SLC49A3: variants seen among roughly 807,000 people sequenced by gnomAD.
SLC49A3 encodes solute carrier family 49 member 3, also known as solute carrier family 49 member A3.
Under a neutral mutation model 43.8 loss-of-function variants are expected in SLC49A3, and 50 were observed. The ratio of observed to expected loss-of-function variants is 1.14; its 90% CI spans 0.91 to 1.45. The LOEUF is 1.45. Among genes scored for constraint, SLC49A3 ranks in the 40% most tolerant of loss-of-function variants. The probability of loss-of-function intolerance (pLI) is 0.00; values close to 1 mark genes in which losing one functional copy is unlikely to be tolerated. For missense variants in SLC49A3, 906 were observed against 774.1 expected (o/e 1.17, Z -2.02); for synonymous variants, 413 against 352.0 (o/e 1.17, Z -1.94).
chr4:683,457 A>C (rs932696648), intron 7 of SLC49A3, 90 bp from the exon 8 acceptor site: 7 of 1,522,432 alleles, frequency 4.6e-6, no homozygotes, highest in Non-Finnish European at 6.2e-6. Context: ...ACGGGGCAGG[A>C]GAACCCATCC....
chr4:690,447 G>C (rs1741787172), upstream of SLC49A3, among the ~76,000 whole-genome samples: 1 of 149,196 alleles, frequency 6.7e-6, no homozygotes, highest in Non-Finnish European at 1.5e-5. Flanking sequence ...CTCACCTCTT[G>C]CTCGCCCTGC....
Position 685,669 on chromosome 4 carries a change from G to A in SLC49A3, c.585+166C>T, listed in dbSNP as rs1740850939. Among the ~76,000 whole-genome samples the A allele has an allele frequency of 6.6e-6, 1 of 152,054 alleles. No individual in the cohort carries two copies. Among genetic ancestry groups the A allele is most frequent in the Non-Finnish European group, 1.5e-5 (1 of 68,008 alleles). On this transcript the variant is annotated intron_variant, in intron 4 of 9. Coordinates refer to ENST00000322224, the MANE Select transcript of SLC49A3 (RefSeq NM_032219.4). This position sits in a 1 kb window ranked among gnomAD's most constrained non-coding sequence, Gnocchi z 4.3. ...TGCAGTGAGCCGAGATCGCGCCACT[G>A]CAATTCAGCCTGAGCGACAGGCTGA...
chr4:686,458 C>T (rs574269883), intron 2 of SLC49A3, 74 bp downstream of exon 2: 1 of 1,570,564 alleles, frequency 6.4e-7, no homozygotes, highest in South Asian at 1.2e-5. Flanking sequence ...TCTGGGGAGG[C>T]CTTGACTCTC....
upstream of SLC49A3, among the ~76,000 whole-genome samples, chr4:690,287 G>T (rs1260666674): frequency 6.6e-6 from 1 of 151,826 alleles, no homozygotes; most frequent in Non-Finnish European, 1.5e-5. Context: ...TCCTGAGATG[G>T]GTGGGCCCCA....
Position 686,400 on chromosome 4 carries a change from T to C in SLC49A3, c.295-98A>G. ...ACCTGGACCTCCCACTGCCGCCACC[T>C]CGACGGCTCTGCCGGGGTCCCCAGC... On this transcript the variant is annotated intron_variant, in intron 2 of 9. Coordinates refer to ENST00000322224, the MANE Select transcript of SLC49A3 (RefSeq NM_032219.4). 3 of 1,569,924 alleles carry C rather than the reference T, an allele frequency of 1.9e-6. No homozygotes were observed. The South Asian group carries it at 3.6e-5, about 19-fold the overall frequency.
At chr4:678,003 G>T (rs199897367), downstream of SLC49A3, 18 of 1,613,246 alleles carry the variant, frequency 1.1e-5, no homozygotes, top group Admixed American at 1.7e-5. Flanking sequence ...CTGGGCAGAC[G>T]CATCAAAGCA....
At chr4:681,205 TGGAGGGGGAC>T (rs1739454833), downstream of SLC49A3, 4 of 1,551,128 alleles carry the variant, frequency 2.6e-6, no homozygotes, top group Admixed American at 1.9e-5. Flanking sequence ...GTCAGCTGGG[TGGAGGGGGAC>T]GCGGAGCCCG....
Position 683,599 on chromosome 4 carries a change from A to G in SLC49A3, c.993+10T>C, listed in dbSNP as rs550798150. Reference sequence around the variant, plus strand: ...CCCACAGGGCAGTCTTGGCTTGAGGAGACCCTCACCAGGGCAAAGGGCACG... The same window carrying G: ...CCCACAGGGCAGTCTTGGCTTGAGGGGACCCTCACCAGGGCAAAGGGCACG... On this transcript the variant is annotated intron_variant, in intron 7 of 9. Coordinates refer to ENST00000322224, the MANE Select transcript of SLC49A3 (RefSeq NM_032219.4). 2.1e-6 allele frequency: 3 copies of G among 1,423,810 alleles called. No homozygotes were observed. The South Asian group carries it at 3.4e-5, about 16-fold the overall frequency. The allele number at this position is 1,423,810 out of a possible 1,614,324, so 88.2% of individuals were successfully genotyped here. A position where few individuals can be genotyped will look rare whatever the true frequency, so the allele number is the denominator to read the frequency against.
chr4:686,394 G>A (rs1483341751), intron 2 of SLC49A3, 92 bp from the exon 3 acceptor site: 19 of 1,572,884 alleles, frequency 1.2e-5, no homozygotes, highest in Admixed American at 1.8e-5. Context: ...TCCCACTGCC[G>A]CCACCTCGAC....
In SLC49A3 at chr4:685,733, C is replaced by T. The variant is rs1740868932; in HGVS notation, c.585+102G>A. 1 of 1,293,868 alleles carries T rather than the reference C, an allele frequency of 7.7e-7. No individual in the cohort carries two copies. Among genetic ancestry groups the T allele is most frequent in the East Asian group, 2.4e-5 (1 of 41,168 alleles). The allele number at this position is 1,293,868 out of a possible 1,614,324, so 80.1% of individuals were successfully genotyped here. On this transcript the variant is annotated intron_variant, in intron 4 of 9. Coordinates refer to ENST00000322224, the MANE Select transcript of SLC49A3 (RefSeq NM_032219.4). The surrounding 1 kb of genome is among the most constrained non-coding windows in gnomAD (Gnocchi z 4.3). The stretch of plus-strand genomic sequence containing the variant: ...GTGGCGGGGCGGGGGACGGGAATCA[C>T]ACACGGGCACAGGAACACGGACACA...
In SLC49A3 at chr4:685,382, C is replaced by G. The variant is rs1201961986; in HGVS notation, c.585+453G>C. ...ACGCACCGCACACACCACACACACT[C>G]AATACACACAGGCAGGCATAGAAAC... On this transcript the variant is annotated intron_variant, in intron 4 of 9. Transcript: ENST00000322224. The surrounding 1 kb of genome is among the most constrained non-coding windows in gnomAD (Gnocchi z 4.3). Among the ~76,000 whole-genome samples, 3 of 151,580 alleles carry G rather than the reference C, an allele frequency of 2.0e-5. No homozygotes were observed. Among genetic ancestry groups the G allele is most frequent in the African/African-American group, 7.3e-5 (3 of 41,238 alleles).
At position 685,363 on chromosome 4, in the gene SLC49A3, C is replaced by G. The variant is rs745360855; in HGVS notation, c.585+472G>C. On this transcript the variant is annotated intron_variant, in intron 4 of 9. Coordinates refer to ENST00000322224, the MANE Select transcript of SLC49A3 (RefSeq NM_032219.4). This position sits in a 1 kb window ranked among gnomAD's most constrained non-coding sequence, Gnocchi z 4.3. ...TGGGCACAGGAACAGAGACACGCAC[C>G]GCACACACCACACACACTCAATACA... 6.6e-6 allele frequency among the ~76,000 whole-genome samples: 1 copy of G among 151,778 alleles called. No homozygotes were observed. Among genetic ancestry groups the G allele is most frequent in the East Asian group, 1.9e-4 (1 of 5,156 alleles).
downstream of SLC49A3, chr4:677,987 G>A (rs780463662): frequency 2.5e-6 from 4 of 1,613,238 alleles, no homozygotes; most frequent in East Asian, 4.5e-5. Flanking sequence ...GGCAAGACCT[G>A]GGGCCCTGGG....
chr4:686,327 G>GGTCGGGGACCGC, intron 2 of SLC49A3, 25 bp from the exon 3 acceptor site: 1 of 1,609,316 alleles, frequency 6.2e-7, no homozygotes, highest in South Asian at 1.1e-5. Flanking sequence ...TCGGGGACCG[G>GGTCGGGGACCGC]GTCAGGAACG....
At chr4:676,830 G>C, downstream of SLC49A3, 1 of 969,454 alleles carries the variant, frequency 1.0e-6, no homozygotes, top group Non-Finnish European at 1.2e-6. Context: ...ACACCTTGCA[G>C]TCGGCCCCAG....
upstream of SLC49A3, among the ~76,000 whole-genome samples, chr4:689,891 C>G (rs939682851): frequency 2.0e-5 from 3 of 152,224 alleles, no homozygotes; most frequent in African/African-American, 7.2e-5. Flanking sequence ...GATCCCACAA[C>G]TGTGCCTGGC....
At position 683,368 on chromosome 4, in the gene SLC49A3, C is replaced by G. The variant is rs752856334; in HGVS notation, c.994-1G>C. On this transcript the variant is annotated splice_acceptor_variant, in intron 7 of 9. Coordinates refer to ENST00000322224, the MANE Select transcript of SLC49A3 (RefSeq NM_032219.4). LOFTEE classifies it high-confidence loss of function. ...GGGTCTGTCCCTGCAGCTGGGACAC[C>G]TGGGAGCAGCGGAACGGCAGGCAGA... 1.3e-5 allele frequency: 21 copies of G among 1,606,690 alleles called. No homozygotes were observed. The highest frequency in any genetic ancestry group is 1.6e-5 in the Non-Finnish European group (19 of 1,176,282).
chr4:685,062 C>G lies in SLC49A3; in HGVS notation c.586-206G>C. 3.3e-6 allele frequency: 2 copies of G among 610,412 alleles called. No individual in the cohort carries two copies. The highest frequency in any genetic ancestry group is 5.5e-6 in the Non-Finnish European group (2 of 361,610). The allele number at this position is 610,412 out of a possible 1,614,324, so 37.8% of individuals were successfully genotyped here. A position where few individuals can be genotyped will look rare whatever the true frequency, so the allele number is the denominator to read the frequency against. On this transcript the variant is annotated intron_variant, in intron 4 of 9. Coordinates refer to ENST00000322224, the MANE Select transcript of SLC49A3 (RefSeq NM_032219.4). This position sits in a 1 kb window ranked among gnomAD's most constrained non-coding sequence, Gnocchi z 4.3. ...TCATGGGGACCCCTGGCTGTCAACG[C>G]ATCCCTCACCAGTGACACCCTCCTG... is the stretch of plus-strand genomic sequence containing the variant.
downstream of SLC49A3, chr4:680,654 A>G: frequency 1.3e-6 from 2 of 1,513,908 alleles, no homozygotes; most frequent in Non-Finnish European, 1.8e-6. Flanking sequence ...CCTGTCCCAA[A>G]AGGGACAGTC....
Sources: allele counts gnomAD v4.1 joint callset (sites outside exome capture counted in the v4.1 genomes callset), GRCh38; gene constraint gnomAD v4.1.1; non-coding constraint Gnocchi (gnomAD v3.1); transcripts MANE v1.5; gene names NCBI Gene and HGNC (gene_info 2026-07-23, HGNC 2026-07-21).